The following MACROD2 variants were observed in gnomAD, a reference collection of about 807,000 sequenced individuals.
MACROD2 encodes the protein mono-ADP ribosylhydrolase 2, also known as ADP-ribose glycohydrolase MACROD2.
Under a neutral mutation model 70.4 loss-of-function variants are expected in MACROD2, and 36 were observed. That is an observed-to-expected ratio of 0.51 (90% CI 0.39 to 0.68). MACROD2 has a LOEUF of 0.68. Among genes scored for constraint, MACROD2 ranks in the 30% least tolerant of loss-of-function variants. The pLI, the probability that MACROD2 is intolerant of heterozygous loss-of-function variation, is 0.00. For missense variants in MACROD2, 496 were observed against 538.4 expected (o/e 0.92, Z 0.78); for synonymous variants, 172 against 178.8 (o/e 0.96, Z 0.30).
At chr20:14,645,402 T>C (rs1306614346) in intron 4 of MACROD2, among the ~76,000 whole-genome samples, 1 of 151,994 alleles carries the variant, frequency 6.6e-6, no homozygotes, top group South Asian at 2.1e-4. Context: ...CTTCTCTATA[T>C]CTAGTTTTAG....
chr20:15,884,104 TCTC>T (rs1333950333), intron 9 of MACROD2, among the ~76,000 whole-genome samples: 2 of 151,970 alleles, frequency 1.3e-5, no homozygotes, highest in East Asian at 3.9e-4. Flanking sequence ...CAAGGTAACT[TCTC>T]CAAGATCACA....
intron 7 of MACROD2, among the ~76,000 whole-genome samples, chr20:15,435,507 C>A (rs1048481846): frequency 1.3e-5 from 2 of 152,094 alleles, no homozygotes; most frequent in Non-Finnish European, 2.9e-5. Context: ...ACCCACTCTA[C>A]CCACTCCATT....
chr20:15,758,628 C>T (rs2051385922), intron 8 of MACROD2, among the ~76,000 whole-genome samples: 1 of 150,898 alleles, frequency 6.6e-6, no homozygotes, highest in South Asian at 2.1e-4. Flanking sequence ...CAGCCTCAAA[C>T]TCCTTGGCTC....
chr20:14,109,918 A>C (rs182545984), intron 3 of MACROD2, among the ~76,000 whole-genome samples: 3 of 152,080 alleles, frequency 2.0e-5, no homozygotes, highest in Admixed American at 2.0e-4. Flanking sequence ...CATAAAAAAA[A>C]CACCAAAAAC....
At chr20:15,155,114 G>A (rs1032056316) in intron 5 of MACROD2, among the ~76,000 whole-genome samples, 4 of 117,898 alleles carry the variant, frequency 3.4e-5, no homozygotes, top group Non-Finnish European at 7.3e-5. Context: ...AGGTTACTGG[G>A]GGTTATATTA....
chr20:15,136,630 AC>A (rs2076150225), intron 5 of MACROD2, among the ~76,000 whole-genome samples: 1 of 152,036 alleles, frequency 6.6e-6, no homozygotes, highest in African/African-American at 2.4e-5. Context: ...CCTAGGCATT[AC>A]CATTCAGGAC....
At chr20:15,425,835 A>T (rs1423566451) in intron 6 of MACROD2, among the ~76,000 whole-genome samples, 1 of 152,222 alleles carries the variant, frequency 6.6e-6, no homozygotes, top group African/African-American at 2.4e-5. Context: ...CCACTTTGCA[A>T]GAATGCCTAA....
At chr20:15,234,009 A>ATTTTT (rs1342277075) in intron 6 of MACROD2, among the ~76,000 whole-genome samples, 12 of 39,990 alleles carry the variant, frequency 3.0e-4, no homozygotes, top group Non-Finnish European at 5.2e-4. Context: ...ATATATATAT[A>ATTTTT]TTCTTTTTTT....
intron 5 of MACROD2, among the ~76,000 whole-genome samples, chr20:14,862,185 A>ATATAAATATG (rs1568839372): frequency 4.3e-3 from 67 of 15,670 alleles, no homozygotes; most frequent in Non-Finnish European, 5.7e-3. Context: ...ATATAAATAT[A>ATATAAATATG]TATTTATACA....
chr20:14,847,754 G>T (rs554976359), intron 5 of MACROD2, among the ~76,000 whole-genome samples: 2 of 152,068 alleles, frequency 1.3e-5, no homozygotes, highest in South Asian at 4.2e-4. Flanking sequence ...GTTTTAGATT[G>T]TGCATTTAAA....
chr20:15,054,679 T>A (rs1051884179), intron 5 of MACROD2, among the ~76,000 whole-genome samples: 3 of 152,186 alleles, frequency 2.0e-5, no homozygotes, highest in Non-Finnish European at 4.4e-5. Context: ...ATGCCTGTAT[T>A]AGGTGCTCAG....
chr20:15,294,316 C>T (rs944624315), intron 6 of MACROD2, among the ~76,000 whole-genome samples: 1 of 152,124 alleles, frequency 6.6e-6, no homozygotes, highest in Non-Finnish European at 1.5e-5. Flanking sequence ...ACTGAACCCA[C>T]TGCCACCATC....
At chr20:14,742,595 G>A (rs917767616) in intron 5 of MACROD2, among the ~76,000 whole-genome samples, 1 of 150,734 alleles carries the variant, frequency 6.6e-6, no homozygotes, top group Non-Finnish European at 1.5e-5. Context: ...TTTTAATAAG[G>A]GTTAAAATCA....
intron 3 of MACROD2, among the ~76,000 whole-genome samples, chr20:14,455,285 A>T (rs1277187058): frequency 6.6e-6 from 1 of 151,886 alleles, no homozygotes; most frequent in East Asian, 1.9e-4. Context: ...CAGATGTGAC[A>T]GAACTTTTTG....
intron 1 of MACROD2, among the ~76,000 whole-genome samples, chr20:14,000,511 A>C (rs1288900482): frequency 6.6e-6 from 1 of 152,184 alleles, no homozygotes; most frequent in African/African-American, 2.4e-5. Context: ...CCCTGCATCC[A>C]TTTATCTAAA....
chr20:15,434,163 A>G (rs55650057), intron 7 of MACROD2, among the ~76,000 whole-genome samples: 15,737 of 152,146 alleles, frequency 0.1, 1,009 homozygotes, highest in Middle Eastern at 0.25. Flanking sequence ...AGATGCAACA[A>G]AAACAAAAAT....
chr20:15,461,978 C>A (rs1487442944), intron 7 of MACROD2, among the ~76,000 whole-genome samples: 1 of 152,050 alleles, frequency 6.6e-6, no homozygotes, highest in African/African-American at 2.4e-5. Flanking sequence ...CAACTAGCCT[C>A]ATTTACATCT....
chr20:15,576,398 CT>C (rs1309627616), intron 8 of MACROD2, among the ~76,000 whole-genome samples: 1 of 152,098 alleles, frequency 6.6e-6, no homozygotes, highest in Non-Finnish European at 1.5e-5. Flanking sequence ...TCCATTTCAC[CT>C]TCCTCTATCT....
chr20:15,186,379 C>A lies in MACROD2; in HGVS notation c.419-43561C>A, dbSNP rs549876073. ...GGCACCAGATTCTAGACAACCTTGC[C>A]CTCCAATGATCTGAAGTCTACTTTT... On this transcript the variant is annotated intron_variant, in intron 5 of 17. Transcript: ENST00000684519. 6.6e-5 allele frequency among the ~76,000 whole-genome samples: 10 copies of A among 152,224 alleles called. No individual in the cohort carries two copies. The East Asian group carries it at 1.5e-3, about 24-fold the overall frequency.
Sources: gnomAD v4.1 joint callset for allele counts (sites outside exome capture counted in the v4.1 genomes callset) on GRCh38, gnomAD v4.1.1 for gene constraint, MANE v1.5 for transcripts, NCBI Gene and HGNC (gene_info 2026-07-23, HGNC 2026-07-21) for gene names.